WDR25: variants seen among roughly 807,000 people sequenced by gnomAD.
WDR25 encodes WD repeat domain 25, also known as WD repeat-containing protein 25.
Under a neutral mutation model 47.7 loss-of-function variants are expected in WDR25, and 35 were observed. That is an observed-to-expected ratio of 0.73 (90% CI 0.56 to 0.97). WDR25 has a LOEUF of 0.97. Ranked by LOEUF, WDR25 falls within the 50% of genes least tolerant of loss-of-function variation. The pLI is 0.00. For missense variants in WDR25, 634 were observed against 704.7 expected (o/e 0.90, Z 1.14); for synonymous variants, 248 against 278.9 (o/e 0.89, Z 1.10).
intron 4 of WDR25, among the ~76,000 whole-genome samples, chr14:100,522,553 A>C (rs2029908757): frequency 6.6e-6 from 1 of 152,114 alleles, no homozygotes; most frequent in Admixed American, 6.5e-5. Flanking sequence ...TTGCCCAAGA[A>C]CTCACAGCTC....
At chr14:100,463,694 T>G (rs753487345) in intron 2 of WDR25, among the ~76,000 whole-genome samples, 28 of 152,228 alleles carry the variant, frequency 1.8e-4, no homozygotes, top group South Asian at 6.2e-4. Flanking sequence ...TTATACTGTC[T>G]GCTGTCTGTC....
intron 2 of WDR25, among the ~76,000 whole-genome samples, chr14:100,467,344 G>A (rs937411296): frequency 2.0e-5 from 3 of 151,916 alleles, no homozygotes; most frequent in Non-Finnish European, 4.4e-5. Context: ...AAGATGCCAG[G>A]GATGCAGGCG....
rs1166135795 is a variant in WDR25 at position 100,404,820 on chromosome 14, C to T, written c.822+23074C>T. 6.6e-6 allele frequency among the ~76,000 whole-genome samples: 1 copy of T among 152,128 alleles called. No homozygotes were observed. The highest frequency in any genetic ancestry group is 1.5e-5 in the Non-Finnish European group (1 of 68,018). On this transcript the variant is annotated intron_variant, in intron 2 of 6. Transcript: ENST00000402312. This position sits in a 1 kb window ranked among gnomAD's most constrained non-coding sequence, Gnocchi z 4.6. Reference sequence around the variant, plus strand: ...TCTGCTGTTACATGGGGGCATGCACCCCTCTCCCCTGCAGCTCTGGCCTCT... The same window carrying T: ...TCTGCTGTTACATGGGGGCATGCACTCCTCTCCCCTGCAGCTCTGGCCTCT...
chr14:100,486,857 A>C (rs559663971), intron 4 of WDR25, among the ~76,000 whole-genome samples: 1 of 152,320 alleles, frequency 6.6e-6, no homozygotes, highest in Non-Finnish European at 1.5e-5. Flanking sequence ...ACAGTAGGGA[A>C]GGAATGTTTT....
intron 4 of WDR25, among the ~76,000 whole-genome samples, chr14:100,507,896 A>G (rs995298712): frequency 3.3e-5 from 5 of 152,068 alleles, no homozygotes; most frequent in African/African-American, 1.2e-4. Flanking sequence ...ATTTTTTCCT[A>G]TCTCAATGCC....
chr14:100,383,633 G>T (rs1463634636), intron 2 of WDR25, among the ~76,000 whole-genome samples: 3 of 152,378 alleles, frequency 2.0e-5, no homozygotes, highest in Non-Finnish European at 1.5e-5. Flanking sequence ...CCTGCTGGCA[G>T]AGTGGCAGCT....
intron 4 of WDR25, among the ~76,000 whole-genome samples, chr14:100,505,003 A>G (rs1053485002): frequency 3.3e-5 from 5 of 152,124 alleles, no homozygotes; most frequent in African/African-American, 9.7e-5. Context: ...TTGTGGGCCT[A>G]TTGACCATTT....
rs1305330721 is a variant in WDR25 at position 100,517,199 on chromosome 14, C to G, written c.1102-8671C>G. Reference sequence around the variant, plus strand: ...GGCACAATCTCGGCTCACTGCAAGTCCCGCCTCCAGGGTTCACGCCATTCT... The same window carrying G: ...GGCACAATCTCGGCTCACTGCAAGTGCCGCCTCCAGGGTTCACGCCATTCT... On this transcript the variant is annotated intron_variant, in intron 4 of 6. Transcript: ENST00000402312. 9.1e-5 allele frequency among the ~76,000 whole-genome samples: 13 copies of G among 142,784 alleles called. No individual in the cohort carries two copies. In the Admixed American group the frequency reaches 9.7e-4, roughly 11 times the overall value. 93.7% of individuals were successfully genotyped at this position (142,784 alleles called of 152,430 possible). A position where few individuals can be genotyped will look rare whatever the true frequency, so the allele number is the denominator to read the frequency against.
chr14:100,516,745 G>A (rs1265401493), intron 4 of WDR25, among the ~76,000 whole-genome samples: 12 of 151,936 alleles, frequency 7.9e-5, no homozygotes, highest in East Asian at 5.8e-4. Context: ...TATAAGCTAT[G>A]TATTTTATTA....
At position 100,407,860 on chromosome 14, in the gene WDR25, T is replaced by G. The variant is rs896650912; in HGVS notation, c.822+26114T>G. Among the ~76,000 whole-genome samples the G allele has an allele frequency of 7.1e-6, 1 of 140,680 alleles. No individual in the cohort carries two copies. The highest frequency in any genetic ancestry group is 3.2e-5 in the African/African-American group (1 of 31,434). The allele number at this position is 140,680 out of a possible 152,430, so 92.3% of individuals were successfully genotyped here. A position where few individuals can be genotyped will look rare whatever the true frequency, so the allele number is the denominator to read the frequency against. On this transcript the variant is annotated intron_variant, in intron 2 of 6. Coordinates refer to ENST00000402312, the MANE Select transcript of WDR25 (RefSeq NM_001161476.3). This position sits in a 1 kb window ranked among gnomAD's most constrained non-coding sequence, Gnocchi z 4.1. ...CGTGTATTGCCTCTCACGTGTATTG[T>G]CTGTGAGTGTGCTGGGCTCCCAGAC...
intron 3 of WDR25, among the ~76,000 whole-genome samples, chr14:100,470,637 A>G (rs1899798208): frequency 6.6e-6 from 1 of 152,216 alleles, no homozygotes; most frequent in African/African-American, 2.4e-5. Context: ...GGCAAGAGTC[A>G]GGGCTTGGTC....
At chr14:100,420,376 A>G (rs1897992567) in intron 2 of WDR25, among the ~76,000 whole-genome samples, 1 of 152,186 alleles carries the variant, frequency 6.6e-6, no homozygotes, top group Non-Finnish European at 1.5e-5. Flanking sequence ...TTTAAAGCTC[A>G]GTATCCCTGT....
At chr14:100,453,846 T>A (rs543094171) in intron 2 of WDR25, among the ~76,000 whole-genome samples, 3 of 152,370 alleles carry the variant, frequency 2.0e-5, no homozygotes, top group South Asian at 4.1e-4. Context: ...TTCTTTGCCC[T>A]TTTACATCTT....
chr14:100,501,453 C>G (rs1333478928), intron 4 of WDR25, among the ~76,000 whole-genome samples: 1 of 152,206 alleles, frequency 6.6e-6, no homozygotes, highest in Non-Finnish European at 1.5e-5. Flanking sequence ...GACAGCATAC[C>G]TGGCCAAAAC....
At chr14:100,447,399 G>A (rs895911003) in intron 2 of WDR25, among the ~76,000 whole-genome samples, 1 of 152,232 alleles carries the variant, frequency 6.6e-6, no homozygotes, top group Non-Finnish European at 1.5e-5. Flanking sequence ...GGCAGTAGGG[G>A]GGCACGTGTG....
intron 4 of WDR25, among the ~76,000 whole-genome samples, chr14:100,519,879 T>A (rs1290479525): frequency 2.2e-5 from 3 of 136,506 alleles, no homozygotes; most frequent in Non-Finnish European, 4.6e-5. Context: ...ATACACTATA[T>A]GTATATATGT....
intron 5 of WDR25, among the ~76,000 whole-genome samples, chr14:100,528,149 A>G (rs2030275578): frequency 6.6e-6 from 1 of 152,118 alleles, no homozygotes; most frequent in Non-Finnish European, 1.5e-5. Context: ...TGTGTGATAA[A>G]TTACACAAAC....
At chr14:100,464,384 C>G (rs769876817) in intron 2 of WDR25, among the ~76,000 whole-genome samples, 1 of 152,220 alleles carries the variant, frequency 6.6e-6, no homozygotes, top group Non-Finnish European at 1.5e-5. Flanking sequence ...GTCTTCACCA[C>G]TGCCTTAAGG....
intron 4 of WDR25, among the ~76,000 whole-genome samples, chr14:100,518,758 A>G (rs1055674363): frequency 6.6e-6 from 1 of 151,976 alleles, no homozygotes; most frequent in East Asian, 1.9e-4. Context: ...AGGCATTGCA[A>G]CGTGTGCCTG....
Sources: allele counts gnomAD v4.1 joint callset (sites outside exome capture counted in the v4.1 genomes callset), GRCh38; gene constraint gnomAD v4.1.1; non-coding constraint Gnocchi (gnomAD v3.1); transcripts MANE v1.5; gene names NCBI Gene and HGNC (gene_info 2026-07-23, HGNC 2026-07-21).